The following KIF15 variants were observed in gnomAD, a reference collection of about 807,000 sequenced individuals.
KIF15 encodes kinesin family member 15.
KIF15 carries 140 observed loss-of-function variants against 190.6 expected under a neutral mutation model. The ratio of observed to expected loss-of-function variants is 0.73; its 90% CI spans 0.64 to 0.84. The LOEUF (loss-of-function observed/expected upper bound fraction) is 0.84, where lower values mean the gene tolerates loss of function less well. KIF15 is among the 40% of genes least tolerant of loss of function. The pLI is 0.00. For synonymous variants in KIF15, 528 were observed against 551.3 expected, an observed-to-expected ratio of 0.96 and a Z score of 0.59; for missense variants, 1,372 against 1,584.4, an observed-to-expected ratio of 0.87 and a Z score of 2.28.
intron 30 of KIF15, among the ~76,000 whole-genome samples, chr3:44,846,501 C>T (rs987396637): frequency 1.3e-5 from 2 of 151,638 alleles, no homozygotes; most frequent in East Asian, 1.9e-4. Context: ...CACTGGGTGT[C>T]GTGGCTCACG....
At chr3:44,799,888 C>G (rs903873760) in intron 10 of KIF15, among the ~76,000 whole-genome samples, 1 of 152,116 alleles carries the variant, frequency 6.6e-6, no homozygotes, top group Non-Finnish European at 1.5e-5. Flanking sequence ...TGCAAGTCAT[C>G]ATGCACTTAG....
chr3:44,838,278 G>C lies in KIF15; in HGVS notation c.3175G>C (p.Asp1059His), dbSNP rs148155714. 891 of 1,607,732 alleles carry C rather than the reference G, an allele frequency of 5.5e-4. 2 individuals are homozygous for C. Among genetic ancestry groups the C allele is most frequent in the Middle Eastern group, 1.2e-3 (7 of 6,020 alleles). Residue 1059 changes from aspartate to histidine, a missense_variant, in exon 27 of 35, where the codon GAT becomes CAT. Coordinates refer to ENST00000326047, the MANE Select transcript of KIF15 (RefSeq NM_020242.3). ...LRILSEDIER[D>H]MLCEDLAHAT... ...TGTGATGATTGTCTCCTAACAGAGG[G>C]ATATGCTCTGTGAGGACCTGGCTCA...
chr3:44,764,270 C>T (rs1463948714), intron 1 of KIF15, among the ~76,000 whole-genome samples: 1 of 152,212 alleles, frequency 6.6e-6, no homozygotes, highest in African/African-American at 2.4e-5. Context: ...TAGTCAATAA[C>T]TACCTGATCC....
rs1219910180 is a variant in KIF15, at chr3:44,792,578, T to A, written c.640-1639T>A. Among the ~76,000 whole-genome samples, 23 of 145,884 alleles carry A rather than the reference T, an allele frequency of 1.6e-4. No homozygotes were observed. The East Asian group carries it at 4.2e-3, about 27-fold the overall frequency. On this transcript the variant is annotated intron_variant, in intron 7 of 34. Coordinates refer to ENST00000326047, the MANE Select transcript of KIF15 (RefSeq NM_020242.3). ...TTTTTTTTTTTGTGATGAGACAGAG[T>A]CTCTGTTGCCCAGGCTGGAGCGGAA...
At chr3:44,864,991 G>C (rs201599027) in intron 6 of KIF15, 29 of 1,608,370 alleles carry the variant, frequency 1.8e-5, no homozygotes, top group Non-Finnish European at 2.3e-5. Flanking sequence ...GAGTGAGGTT[G>C]TGCCCACCTG....
chr3:44,773,178 A>G, intron 1 of KIF15, among the ~76,000 whole-genome samples: 1 of 152,070 alleles, frequency 6.6e-6, no homozygotes, highest in East Asian at 1.9e-4. Context: ...CATAAAAGTT[A>G]ATCTCTGGTG....
intron 30 of KIF15, among the ~76,000 whole-genome samples, chr3:44,843,912 G>T (rs891085555): frequency 6.6e-6 from 1 of 152,136 alleles, no homozygotes; most frequent in Non-Finnish European, 1.5e-5. Context: ...AAAATTACAT[G>T]TATAAAGTGC....
intron 17 of KIF15, among the ~76,000 whole-genome samples, chr3:44,811,631 G>A (rs1707788955): frequency 6.6e-6 from 1 of 152,080 alleles, no homozygotes; most frequent in African/African-American, 2.4e-5. Flanking sequence ...GGCAACAAGA[G>A]TGAAACTCTG....
Position 44,794,202 on chromosome 3 carries a change from T to C in KIF15, c.640-15T>C, listed in dbSNP as rs1706858026. The C allele has an allele frequency of 6.2e-7, 1 of 1,602,744 alleles. No homozygotes were observed. Among genetic ancestry groups the C allele is most frequent in the African/African-American group, 1.3e-5 (1 of 74,614 alleles). ...GGTCCTCTCATTTCTTTTAATATGT[T>C]TTCCTTTTGCATAGGTGTTGTCTGG... On this transcript the variant is annotated splice_polypyrimidine_tract_variant and intron_variant, in intron 7 of 34. Coordinates refer to ENST00000326047, the MANE Select transcript of KIF15 (RefSeq NM_020242.3).
chr3:44,817,480 C>T (rs1708079976), intron 20 of KIF15, among the ~76,000 whole-genome samples: 2 of 152,156 alleles, frequency 1.3e-5, no homozygotes, highest in Non-Finnish European at 2.9e-5. Flanking sequence ...TTTCCCAGCA[C>T]CATTTATTAA....
At chr3:44,786,348 A>G (rs1175936937) in intron 6 of KIF15, 47 bp from the exon 7 acceptor site, 1 of 1,501,428 alleles carries the variant, frequency 6.7e-7, no homozygotes, top group Non-Finnish European at 9.0e-7. Context: ...AAAACTAGGT[A>G]TGAACACATG....
intron 34 of KIF15, 136 bp downstream of exon 34, chr3:44,852,475 A>G: frequency 2.1e-6 from 2 of 941,432 alleles, no homozygotes; most frequent in Non-Finnish European, 3.1e-6. Context: ...AAAAAAAAAA[A>G]AGTTGGTCGT....
intron 7 of KIF15, among the ~76,000 whole-genome samples, chr3:44,789,076 T>A (rs964807979): frequency 6.6e-6 from 1 of 152,224 alleles, no homozygotes; most frequent in Non-Finnish European, 1.5e-5. Context: ...TTGTTATTGT[T>A]TATATGGACT....
chr3:44,762,836 A>G (rs1705210991), intron 1 of KIF15, among the ~76,000 whole-genome samples: 1 of 151,900 alleles, frequency 6.6e-6, no homozygotes, highest in Non-Finnish European at 1.5e-5. Flanking sequence ...TCCTTTCATC[A>G]TTTTCAGTAT....
chr3:44,794,511 C>A, intron 8 of KIF15, 85 bp downstream of exon 8: 1 of 970,486 alleles, frequency 1.0e-6, no homozygotes, highest in Non-Finnish European at 1.5e-6. Flanking sequence ...GTGTCTCAGT[C>A]AATGAGGAAC....
At chr3:44,814,851 A>C in intron 19 of KIF15, 60 bp from the exon 20 acceptor site, 2 of 1,388,632 alleles carry the variant, frequency 1.4e-6, no homozygotes, top group Non-Finnish European at 1.9e-6. Context: ...ACTAGTACCT[A>C]TCAGATTTAT....
At chr3:44,836,567 C>T (rs1399866002) in intron 26 of KIF15, among the ~76,000 whole-genome samples, 2 of 152,000 alleles carry the variant, frequency 1.3e-5, no homozygotes, top group Non-Finnish European at 2.9e-5. Context: ...TTAATTTATC[C>T]TTCAGGAGAA....
chr3:44,805,892 C>T lies in KIF15; in HGVS notation c.1877C>T (p.Ala626Val), dbSNP rs761679345. The T allele has an allele frequency of 1.4e-5, 22 of 1,613,926 alleles. No individual in the cohort carries two copies. The highest frequency in any genetic ancestry group is 1.1e-4 in the South Asian group (10 of 91,064). The change falls in exon 16 of 35, where the codon GCG (alanine) becomes GTG (valine). Residue 626 changes from alanine to valine, a missense_variant. Ala to Val is a moderately conservative substitution (Grantham distance 64). Transcript: ENST00000326047. ...LESELQSLQK[A>V]NLNLENLLEA... Reference sequence around the variant, plus strand: ...TCAGAGCTTCAGTCTTTGCAAAAAGCGAACCTTAATCTTGAAAACCTTTTG... The same window carrying T: ...TCAGAGCTTCAGTCTTTGCAAAAAGTGAACCTTAATCTTGAAAACCTTTTG...
chr3:44,818,860 A>C (rs1295508137), intron 20 of KIF15, among the ~76,000 whole-genome samples: 1 of 152,138 alleles, frequency 6.6e-6, no homozygotes, highest in Non-Finnish European at 1.5e-5. Flanking sequence ...TTGGCTGTGA[A>C]TCCGTCTGGT....
Sources: gnomAD v4.1 joint callset for allele counts (sites outside exome capture counted in the v4.1 genomes callset) on GRCh38, gnomAD v4.1.1 for gene constraint, MANE v1.5 for transcripts, NCBI Gene and HGNC (gene_info 2026-07-23, HGNC 2026-07-21) for gene names.